The following WRN variants were observed in gnomAD, a reference collection of about 807,000 sequenced individuals.
The protein encoded by WRN is bifunctional 3'-5' exonuclease/ATP-dependent helicase WRN.
A neutral mutation model predicts 180.7 loss-of-function variants in WRN; 149 were observed. The observed-to-expected ratio is 0.82, with a 90% CI of 0.72 to 0.94. The LOEUF is 0.94. Ranked by LOEUF, WRN falls within the 40% of genes least tolerant of loss-of-function variation. The pLI, the probability that WRN is intolerant of heterozygous loss-of-function variation, is 0.00. For missense variants in WRN, 1,661 were observed against 1,700.1 expected, an observed-to-expected ratio of 0.98 and a Z score of 0.40; for synonymous variants, 548 against 568.9, an observed-to-expected ratio of 0.96 and a Z score of 0.52.
chr8:31,119,843 C>A, intron 20 of WRN: 1 of 181,058 alleles, frequency 5.5e-6, no homozygotes, highest in Admixed American at 5.8e-5. Flanking sequence ...TTCATCCCAC[C>A]ATCTTTAATG....
At chr8:31,107,787 G>A (rs1801154103) in intron 18 of WRN, among the ~76,000 whole-genome samples, 1 of 152,212 alleles carries the variant, frequency 6.6e-6, no homozygotes, top group Non-Finnish European at 1.5e-5. Flanking sequence ...CAAAGTGAGT[G>A]TTGAGAAAGA....
At chr8:31,156,572 A>G (rs1803392971) in intron 32 of WRN, among the ~76,000 whole-genome samples, 1 of 152,240 alleles carries the variant, frequency 6.6e-6, no homozygotes, top group Admixed American at 6.5e-5. Flanking sequence ...ACATTGCCTT[A>G]AATGCTCTAT....
At chr8:31,105,637 T>G (rs1172589564) in intron 18 of WRN, among the ~76,000 whole-genome samples, 1 of 152,112 alleles carries the variant, frequency 6.6e-6, no homozygotes, top group Non-Finnish European at 1.5e-5. Context: ...ATTTTGTATT[T>G]TTAGTAGAGA....
intron 3 of WRN, among the ~76,000 whole-genome samples, chr8:31,060,402 A>T (rs1051547528): frequency 1.3e-5 from 2 of 152,120 alleles, no homozygotes; most frequent in African/African-American, 2.4e-5. Flanking sequence ...TCTACAAAAA[A>T]ATTTAAAAAT....
chr8:31,079,240 A>G (rs1278515588), intron 8 of WRN, among the ~76,000 whole-genome samples: 2 of 152,210 alleles, frequency 1.3e-5, no homozygotes, highest in Non-Finnish European at 2.9e-5. Flanking sequence ...CAGTGATGGA[A>G]GTAACTGGAA....
At chr8:31,143,065 T>A in intron 27 of WRN, among the ~76,000 whole-genome samples, 1 of 132,766 alleles carries the variant, frequency 7.5e-6, no homozygotes, top group African/African-American at 3.0e-5. Flanking sequence ...ATTCTCTCTC[T>A]CTCTCTCTCA....
In WRN at chr8:31,122,860, G is replaced by GTTTTTT. The variant is rs71206298; in HGVS notation, c.2631-1642_2631-1637dup. Among the ~76,000 whole-genome samples, 25 of 69,478 alleles carry GTTTTTT rather than the reference G, an allele frequency of 3.6e-4. 1 individual carries two copies. Among genetic ancestry groups the GTTTTTT allele is most frequent in the East Asian group, 1.4e-3 (3 of 2,108 alleles). The allele number at this position is 69,478 out of a possible 152,430, so 45.6% of individuals were successfully genotyped here. On this transcript the variant is annotated intron_variant, in intron 21 of 34. Transcript: ENST00000298139. ...GAAGAGTGTGGGCATTTCTTTTCTT[G>GTTTTTT]TTTTTTTTTTTTTTTTTTTTTTTTT...
intron 26 of WRN, among the ~76,000 whole-genome samples, chr8:31,142,165 T>C (rs1244317511): frequency 6.6e-6 from 1 of 152,154 alleles, no homozygotes; most frequent in Non-Finnish European, 1.5e-5. Flanking sequence ...TAGGCTGGTC[T>C]TGAACTCCTG....
At chr8:31,127,773 A>T (rs985693763) in intron 23 of WRN, among the ~76,000 whole-genome samples, 1 of 152,028 alleles carries the variant, frequency 6.6e-6, no homozygotes, top group Non-Finnish European at 1.5e-5. Context: ...AAATAAAAAA[A>T]ATTAGCTAGG....
chr8:31,046,918 C>T (rs1811887929), intron 1 of WRN, among the ~76,000 whole-genome samples: 1 of 152,094 alleles, frequency 6.6e-6, no homozygotes, highest in Non-Finnish European at 1.5e-5. Context: ...GATTTTTCTT[C>T]TTATTCATGT....
chr8:31,058,375 T>C lies in WRN; in HGVS notation c.-73T>C. ...TATTGACAGTACTACCTCTCAGTTT[T>C]CTTTCAGATATTGTTTTGTATTTAC... is the stretch of plus-strand genomic sequence containing the variant. On this transcript the variant is annotated 5_prime_UTR_variant, in exon 2 of 35. Coordinates refer to ENST00000298139, the MANE Select transcript of WRN (RefSeq NM_000553.6). The C allele has an allele frequency of 7.6e-7, 1 of 1,311,168 alleles. No homozygotes were observed. The highest frequency in any genetic ancestry group is 1.1e-6 in the Non-Finnish European group (1 of 920,900). 81.2% of individuals were successfully genotyped at this position (1,311,168 alleles called of 1,614,324 possible). A position where few individuals can be genotyped will look rare whatever the true frequency, so the allele number is the denominator to read the frequency against.
At chr8:31,096,631 CAT>C (rs1813987600) in intron 16 of WRN, 135 bp from the exon 17 acceptor site, 3 of 711,660 alleles carry the variant, frequency 4.2e-6, no homozygotes, top group East Asian at 5.4e-5. Flanking sequence ...ATTTTCGTGA[CAT>C]AAAGTATTAT....
intron 5 of WRN, among the ~76,000 whole-genome samples, chr8:31,066,649 C>T (rs1812718154): frequency 6.6e-6 from 1 of 151,440 alleles, no homozygotes; most frequent in African/African-American, 2.4e-5. Context: ...TGATACGGTG[C>T]TCTTAGTGGA....
intron 24 of WRN, among the ~76,000 whole-genome samples, chr8:31,138,298 T>G (rs1440495750): frequency 6.6e-6 from 1 of 152,226 alleles, no homozygotes; most frequent in Non-Finnish European, 1.5e-5. Flanking sequence ...TATGATGTTT[T>G]ATCTTATTTT....
At chr8:31,055,812 A>G (rs1043803146) in intron 1 of WRN, among the ~76,000 whole-genome samples, 10 of 152,230 alleles carry the variant, frequency 6.6e-5, no homozygotes, top group Non-Finnish European at 1.5e-4. Flanking sequence ...GCGAGTACAT[A>G]TGTAAATAAA....
chr8:31,166,245 G>A lies in WRN; in HGVS notation c.3983-777G>A, dbSNP rs1803855245. On this transcript the variant is annotated intron_variant, in intron 33 of 34. Coordinates refer to ENST00000298139, the MANE Select transcript of WRN (RefSeq NM_000553.6). The stretch of plus-strand genomic sequence containing the variant: ...AATATTTGATATGTTTTGTAAATTA[G>A]GTGAAGATGAGTGAGTAGGTTCTAA... Among the ~76,000 whole-genome samples the A allele has an allele frequency of 3.3e-5, 5 of 152,128 alleles. No homozygotes were observed. The South Asian group carries it at 1.0e-3, about 31-fold the overall frequency.
At chr8:31,096,985 C>G in intron 17 of WRN, 135 bp downstream of exon 17, 2 of 832,870 alleles carry the variant, frequency 2.4e-6, no homozygotes, top group South Asian at 2.9e-5. Flanking sequence ...CTCTGACTCT[C>G]TAACTTGCTG....
intron 34 of WRN, among the ~76,000 whole-genome samples, chr8:31,170,024 A>G (rs776717184): frequency 1.3e-5 from 2 of 152,118 alleles, no homozygotes; most frequent in African/African-American, 2.4e-5. Context: ...CCTGTGGGCT[A>G]TCTTGGGGTT....
intron 1 of WRN, among the ~76,000 whole-genome samples, chr8:31,045,523 C>T (rs1417442811): frequency 6.6e-6 from 1 of 152,038 alleles, no homozygotes; most frequent in African/African-American, 2.4e-5. Context: ...CTGCCTCAGC[C>T]TCCCTAGTAG....
Sources: allele counts gnomAD v4.1 joint callset (sites outside exome capture counted in the v4.1 genomes callset), GRCh38; gene constraint gnomAD v4.1.1; transcripts MANE v1.5; gene names NCBI Gene and HGNC (gene_info 2026-07-23, HGNC 2026-07-21).